SLC30A8: variants seen among roughly 807,000 people sequenced by gnomAD.
SLC30A8 encodes the protein solute carrier family 30 member 8.
A neutral mutation model predicts 36.9 loss-of-function variants in SLC30A8; 27 were observed. The ratio of observed to expected loss-of-function variants is 0.73; its 90% CI spans 0.54 to 1.01. The LOEUF is 1.01. SLC30A8 is among the 50% of genes least tolerant of loss of function. SLC30A8 has a pLI of 0.00. For missense variants in SLC30A8, 439 were observed against 452.0 expected (o/e 0.97, Z 0.26); for synonymous variants, 164 against 172.4 (o/e 0.95, Z 0.38).
At chr8:116,981,516 G>C (rs1370040401) in intron 1 of SLC30A8, among the ~76,000 whole-genome samples, 1 of 152,122 alleles carries the variant, frequency 6.6e-6, no homozygotes, top group African/African-American at 2.4e-5. Flanking sequence ...TCACCACCCA[G>C]GTAATAAGCA....
At chr8:117,007,210 A>G (rs1353358281) in intron 1 of SLC30A8, 1 of 152,024 alleles carries the variant, frequency 6.6e-6, no homozygotes, top group East Asian at 1.9e-4. Context: ...TGTCTTACTT[A>G]TCATACAAGT....
chr8:116,980,870 T>C (rs1815229680), intron 1 of SLC30A8, among the ~76,000 whole-genome samples: 1 of 152,220 alleles, frequency 6.6e-6, no homozygotes, highest in African/African-American at 2.4e-5. Context: ...AAAGACACTA[T>C]CATTTCTGAT....
intron 2 of SLC30A8, among the ~76,000 whole-genome samples, chr8:117,045,273 C>T (rs905578119): frequency 6.6e-6 from 1 of 152,150 alleles, no homozygotes; most frequent in African/African-American, 2.4e-5. Flanking sequence ...CTGAGATGCT[C>T]TATAACATCA....
At chr8:117,047,615 A>G (rs1817592649) in intron 2 of SLC30A8, among the ~76,000 whole-genome samples, 2 of 152,256 alleles carry the variant, frequency 1.3e-5, no homozygotes, top group South Asian at 4.2e-4. Context: ...GAAGTAAAAA[A>G]GGTCAGGATA....
chr8:117,140,177 T>G (rs1821585178), intron 1 of SLC30A8, among the ~76,000 whole-genome samples: 1 of 151,970 alleles, frequency 6.6e-6, no homozygotes, highest in Non-Finnish European at 1.5e-5. Context: ...AACTTGAAGA[T>G]AGATTGGAAG....
chr8:117,093,109 T>C (rs1206949256), intron 2 of SLC30A8, among the ~76,000 whole-genome samples: 1 of 151,806 alleles, frequency 6.6e-6, no homozygotes, highest in Non-Finnish European at 1.5e-5. Flanking sequence ...CTTACTTGAG[T>C]TTAGTGGACA....
chr8:117,162,626 C>T (rs1246059459), intron 5 of SLC30A8, among the ~76,000 whole-genome samples: 2 of 152,158 alleles, frequency 1.3e-5, no homozygotes, highest in Non-Finnish European at 2.9e-5. Context: ...TTTGCAGAGA[C>T]TCACAGCTTT....
intron 2 of SLC30A8, among the ~76,000 whole-genome samples, chr8:117,126,997 C>T (rs534261442): frequency 3.5e-4 from 53 of 152,088 alleles, no homozygotes; most frequent in Middle Eastern, 3.4e-3. Flanking sequence ...CTGAAGCTTA[C>T]TCTTGAGTGC....
intron 4 of SLC30A8, among the ~76,000 whole-genome samples, chr8:117,160,432 TGTGC>T (rs1438538920): frequency 2.3e-4 from 33 of 145,474 alleles, no homozygotes; most frequent in African/African-American, 8.9e-4. Flanking sequence ...TGTGTGTGTG[TGTGC>T]GCGCACATGT....
intron 2 of SLC30A8, among the ~76,000 whole-genome samples, chr8:117,152,626 G>C (rs943190593): frequency 6.6e-6 from 1 of 152,148 alleles, no homozygotes; most frequent in Non-Finnish European, 1.5e-5. Context: ...GCTTCAGCCT[G>C]ATTCTCTTGT....
At chr8:117,169,842 T>C (rs1823280055) in intron 6 of SLC30A8, among the ~76,000 whole-genome samples, 1 of 152,266 alleles carries the variant, frequency 6.6e-6, no homozygotes, top group South Asian at 2.1e-4. Flanking sequence ...ATGAGGGATC[T>C]GGCACCATGA....
At chr8:117,059,746 G>T (rs548747947) in intron 2 of SLC30A8, among the ~76,000 whole-genome samples, 1 of 152,174 alleles carries the variant, frequency 6.6e-6, no homozygotes, top group Non-Finnish European at 1.5e-5. Flanking sequence ...ATAAAATGTT[G>T]GCACTTAATT....
intron 1 of SLC30A8, among the ~76,000 whole-genome samples, chr8:117,001,766 A>T (rs1816018314): frequency 6.6e-6 from 1 of 152,192 alleles, no homozygotes; most frequent in East Asian, 1.9e-4. Flanking sequence ...GTTTATCTGG[A>T]TATGGTTTCC....
upstream of SLC30A8, among the ~76,000 whole-genome samples, chr8:117,131,292 T>C (rs1821127985): frequency 6.6e-6 from 1 of 152,042 alleles, no homozygotes; most frequent in Non-Finnish European, 1.5e-5. Flanking sequence ...CATTTCTAGA[T>C]GAAACCTCTG....
At chr8:116,979,238 C>CAAAAAAAAAAAAAA (rs67998633) in intron 1 of SLC30A8, among the ~76,000 whole-genome samples, 2 of 64,308 alleles carry the variant, frequency 3.1e-5, no homozygotes, top group Admixed American at 2.5e-4. Flanking sequence ...GACCCTGTCT[C>CAAAAAAAAAAAAAA]AAAAAAAAAA....
At chr8:117,090,297 C>T (rs1252180532) in intron 2 of SLC30A8, among the ~76,000 whole-genome samples, 1 of 152,174 alleles carries the variant, frequency 6.6e-6, no homozygotes, top group Non-Finnish European at 1.5e-5. Context: ...GCTTTATCTA[C>T]TAACTCCTCT....
At chr8:117,057,537 C>G (rs1236952467) in intron 2 of SLC30A8, among the ~76,000 whole-genome samples, 1 of 151,974 alleles carries the variant, frequency 6.6e-6, no homozygotes, top group Non-Finnish European at 1.5e-5. Flanking sequence ...CAACCCCTAC[C>G]CTCTGGAAAC....
intron 1 of SLC30A8, among the ~76,000 whole-genome samples, chr8:116,968,772 C>T (rs530415414): frequency 5.3e-4 from 80 of 152,036 alleles, no homozygotes; most frequent in African/African-American, 1.9e-3. Flanking sequence ...GAGTCTCGTT[C>T]TGTCACCAGG....
chr8:116,974,708 A>C (rs1307079459), intron 1 of SLC30A8, among the ~76,000 whole-genome samples: 2 of 152,244 alleles, frequency 1.3e-5, no homozygotes, highest in Middle Eastern at 3.4e-3. Flanking sequence ...AAGGATTATA[A>C]ATCATGCTGC....
Sources: gnomAD v4.1 joint callset for allele counts (sites outside exome capture counted in the v4.1 genomes callset) on GRCh38, gnomAD v4.1.1 for gene constraint, MANE v1.5 for transcripts, NCBI Gene and HGNC (gene_info 2026-07-23, HGNC 2026-07-21) for gene names.